Variants in CLPTM1 observed in about 807,000 individuals in gnomAD.
CLPTM1 encodes CLPTM1 regulator of GABA type A receptor forward trafficking.
Under a neutral mutation model 77.3 loss-of-function variants are expected in CLPTM1, and 21 were observed. That is an observed-to-expected ratio of 0.27 (90% CI 0.19 to 0.39). The LOEUF (loss-of-function observed/expected upper bound fraction) is 0.39. Among genes scored for constraint, CLPTM1 ranks in the 10% least tolerant of loss-of-function variants. The pLI, the probability that CLPTM1 is intolerant of heterozygous loss-of-function variation, is 1.00. For synonymous variants in CLPTM1, 373 were observed against 381.0 expected, an observed-to-expected ratio of 0.98 and a Z score of 0.24; for missense variants, 642 against 921.2, an observed-to-expected ratio of 0.70 and a Z score of 3.92.
At chr19:44,981,737 AC>A (rs532908843) in intron 5 of CLPTM1, among the ~76,000 whole-genome samples, 1 of 150,900 alleles carries the variant, frequency 6.6e-6, no homozygotes, top group African/African-American at 2.4e-5. Context: ...ACATGGCAAA[AC>A]CCCCCCTAAT....
At position 44,957,079 on chromosome 19, in the gene CLPTM1, A is replaced by G. The variant is rs182046545; in HGVS notation, c.72+1612A>G. Reference sequence around the variant, plus strand: ...CATATATGTCTCCAGACATTGCCAAATGTTCCAAGAGCAGGGGGGCAAAGC... The same window carrying G: ...CATATATGTCTCCAGACATTGCCAAGTGTTCCAAGAGCAGGGGGGCAAAGC... On this transcript the variant is annotated intron_variant, in intron 1 of 13. Transcript: ENST00000337392. Among the ~76,000 whole-genome samples the G allele has an allele frequency of 2.1e-3, 313 of 152,262 alleles. 1 individual carries two copies. Among genetic ancestry groups the G allele is most frequent in the African/African-American group, 7.4e-3 (306 of 41,552 alleles).
chr19:44,974,193 T>G (rs116011171), intron 3 of CLPTM1, among the ~76,000 whole-genome samples: 1,762 of 152,230 alleles, frequency 0.012, 34 homozygotes, highest in African/African-American at 0.038. Context: ...CCCTAAATTC[T>G]AATTGGCAGG....
intron 2 of CLPTM1, among the ~76,000 whole-genome samples, chr19:44,963,567 C>T (rs187125916): frequency 3.0e-4 from 45 of 151,914 alleles, no homozygotes; most frequent in African/African-American, 9.9e-4. Flanking sequence ...CCTCATGATC[C>T]GCCTGCCTTG....
At chr19:44,959,234 C>G (rs1241180152) in intron 1 of CLPTM1, among the ~76,000 whole-genome samples, 1 of 137,624 alleles carries the variant, frequency 7.3e-6, no homozygotes, top group African/African-American at 2.7e-5. Context: ...TTTTTTTTTT[C>G]TAAGTAAGAG....
At chr19:44,955,171 T>G (rs1970438880), upstream of CLPTM1, 1 of 1,535,442 alleles carries the variant, frequency 6.5e-7, no homozygotes. Context: ...GAGCATACAG[T>G]GTTTTTATTA....
At chr19:44,988,324 C>T (rs974457380) in intron 9 of CLPTM1, 151 bp downstream of exon 9, 2 of 650,044 alleles carry the variant, frequency 3.1e-6, no homozygotes, top group African/African-American at 1.8e-5. Context: ...TGGGGAGGGG[C>T]AGTGGCCCCA....
chr19:44,963,817 C>T (rs1970584006), intron 2 of CLPTM1, among the ~76,000 whole-genome samples: 1 of 151,922 alleles, frequency 6.6e-6, no homozygotes, highest in Admixed American at 6.6e-5. Context: ...GGGGTTTCTC[C>T]ATGTTGGTCA....
chr19:44,954,744 A>G, upstream of CLPTM1: 1 of 1,313,172 alleles, frequency 7.6e-7, no homozygotes, highest in Non-Finnish European at 9.8e-7. Context: ...TAGGCAGGGC[A>G]GTCCGAAGGC....
intron 2 of CLPTM1, among the ~76,000 whole-genome samples, chr19:44,964,309 T>C (rs1283975429): frequency 8.1e-6 from 1 of 124,080 alleles, no homozygotes; most frequent in Non-Finnish European, 1.7e-5. Context: ...TTTTTTTTTT[T>C]TTTTTTTTTT....
intron 9 of CLPTM1, among the ~76,000 whole-genome samples, chr19:44,989,447 C>T (rs1412524369): frequency 3.9e-5 from 6 of 152,056 alleles, no homozygotes; most frequent in South Asian, 4.1e-4. Context: ...CAACTGCTCC[C>T]ACGAGAACCC....
intron 9 of CLPTM1, among the ~76,000 whole-genome samples, chr19:44,989,654 C>G (rs1971037918): frequency 6.6e-6 from 1 of 152,154 alleles, no homozygotes; most frequent in Non-Finnish European, 1.5e-5. Context: ...GAGTGCAGAG[C>G]TGGCCCTGAC....
chr19:44,973,018 G>A, intron 2 of CLPTM1, 69 bp from the exon 3 acceptor site: 2 of 1,582,788 alleles, frequency 1.3e-6, no homozygotes, highest in Non-Finnish European at 1.7e-6. Context: ...AAGTCAGAAG[G>A]AAGTCAGGCG....
chr19:44,990,966 G>GC lies in CLPTM1; in HGVS notation c.1419+25dup, dbSNP rs1971064693. 6.6e-7 allele frequency: 1 copy of GC among 1,511,882 alleles called. No homozygotes were observed. The highest frequency in any genetic ancestry group is 8.9e-7 in the Non-Finnish European group (1 of 1,128,446). The allele number at this position is 1,511,882 out of a possible 1,614,324, so 93.7% of individuals were successfully genotyped here. A position where few individuals can be genotyped will look rare whatever the true frequency, so the allele number is the denominator to read the frequency against. On this transcript the variant is annotated intron_variant, in intron 11 of 13. Transcript: ENST00000337392. The surrounding 1 kb of genome is among the most constrained non-coding windows in gnomAD (Gnocchi z 4.8). ...ATGATGTGAGTGTCCTGCACAGTGG[G>GC]CCCCTGGGGGTGGTCTCCAGGTACC...
chr19:44,981,385 C>T (rs1600036699), intron 5 of CLPTM1, among the ~76,000 whole-genome samples: 1 of 152,146 alleles, frequency 6.6e-6, no homozygotes, highest in East Asian at 1.9e-4. Flanking sequence ...AGGGGACCCA[C>T]CTGCCTTGGC....
chr19:44,987,629 G>A (rs755760796), intron 8 of CLPTM1: 1 of 651,322 alleles, frequency 1.5e-6, no homozygotes, highest in Admixed American at 2.9e-5. Context: ...CCTCTCCCCA[G>A]GCTGTTCTGT....
rs768609249 is a variant in CLPTM1, at chr19:44,991,405, G to C, written c.1555+32G>C. 1 of 1,603,400 alleles carries C rather than the reference G, an allele frequency of 6.2e-7. No homozygotes were observed. The highest frequency in any genetic ancestry group is 1.7e-5 in the Admixed American group (1 of 59,948). ...GGTCCGGCCGCCCCAGGAGAGAGCA[G>C]GCCCCATGCTGCGCAGGGCTCACAG... On this transcript the variant is annotated intron_variant, in intron 12 of 13. Coordinates refer to ENST00000337392, the MANE Select transcript of CLPTM1 (RefSeq NM_001294.4). This position sits in a 1 kb window ranked among gnomAD's most constrained non-coding sequence, Gnocchi z 5.4.
chr19:44,974,681 A>C, intron 4 of CLPTM1, 84 bp downstream of exon 4: 4 of 1,502,550 alleles, frequency 2.7e-6, no homozygotes, highest in Non-Finnish European at 3.6e-6. Flanking sequence ...CCTTGCTGAG[A>C]GCATGTGGAG....
intron 6 of CLPTM1, among the ~76,000 whole-genome samples, chr19:44,985,611 AG>A (rs1970965087): frequency 2.0e-5 from 3 of 152,196 alleles, no homozygotes; most frequent in Admixed American, 1.3e-4. Context: ...GTGGCAGGCC[AG>A]GGACTCTCAC....
rs1055814541 is a variant in CLPTM1 at position 44,970,093 on chromosome 19, A to G, written c.186-2994A>G. Among the ~76,000 whole-genome samples the G allele has an allele frequency of 9.5e-5, 14 of 147,646 alleles. 3 individuals carry two copies. Among genetic ancestry groups the G allele is most frequent in the African/African-American group, 3.7e-4 (14 of 37,866 alleles). ...TCATTATACTTGAAAAGTTATTTGT[A>G]GGAATTTCAGGGCTAGGATGAGCAT... On this transcript the variant is annotated intron_variant, in intron 2 of 13. Transcript: ENST00000337392.
Sources: gnomAD v4.1 joint callset for allele counts (sites outside exome capture counted in the v4.1 genomes callset) on GRCh38, gnomAD v4.1.1 for gene constraint, Gnocchi (gnomAD v3.1) non-coding constraint, MANE v1.5 for transcripts, NCBI Gene and HGNC (gene_info 2026-07-23, HGNC 2026-07-21) for gene names.